Variants in SH2D4B observed in about 807,000 individuals in gnomAD.
The protein encoded by SH2D4B is SH2 domain-containing protein 4B.
SH2D4B carries 45 observed loss-of-function variants against 61.5 expected under a neutral mutation model. The ratio of observed to expected loss-of-function variants is 0.73; its 90% confidence interval spans 0.58 to 0.94. The LOEUF is 0.94. Among genes scored for constraint, SH2D4B ranks in the 40% least tolerant of loss-of-function variants. The pLI is 0.00. For missense variants in SH2D4B, 572 were observed against 574.2 expected (o/e 1.00, Z 0.04); for synonymous variants, 224 against 220.4 (o/e 1.02, Z -0.14).
intron 4 of SH2D4B, among the ~76,000 whole-genome samples, chr10:80,592,434 A>G (rs180741389): frequency 6.6e-6 from 1 of 152,316 alleles, no homozygotes; most frequent in East Asian, 1.9e-4. Context: ...GTCTTACCTA[A>G]GAAACCATTG....
intron 6 of SH2D4B, among the ~76,000 whole-genome samples, chr10:80,633,923 A>G (rs1842862922): frequency 6.6e-6 from 1 of 152,228 alleles, no homozygotes; most frequent in South Asian, 2.1e-4. Context: ...GGCTTTTCAC[A>G]AGCCTGTTGA....
At chr10:80,556,411 T>C (rs756798658) in intron 1 of SH2D4B, among the ~76,000 whole-genome samples, 1 of 152,224 alleles carries the variant, frequency 6.6e-6, no homozygotes, top group Non-Finnish European at 1.5e-5. Flanking sequence ...CTTTTCAACA[T>C]TGTTTTGACT....
chr10:80,555,640 G>C (rs1841824224), intron 1 of SH2D4B, among the ~76,000 whole-genome samples: 1 of 152,190 alleles, frequency 6.6e-6, no homozygotes, highest in Non-Finnish European at 1.5e-5. Flanking sequence ...CTTTTCCGTT[G>C]AATGTCGTGG....
chr10:80,630,847 G>T (rs1284099767), intron 6 of SH2D4B, among the ~76,000 whole-genome samples: 9 of 152,244 alleles, frequency 5.9e-5, no homozygotes, highest in African/African-American at 2.2e-4. Context: ...CAAACAGTGC[G>T]ATGAGCCCAG....
chr10:80,634,350 C>G lies in SH2D4B; in HGVS notation c.1054C>G (p.Arg352Gly), dbSNP rs764622468. The G allele has an allele frequency of 1.3e-6, 2 of 1,550,182 alleles. No homozygotes were observed. The highest frequency in any genetic ancestry group is 2.4e-5 in the South Asian group (2 of 84,040). ...CATGACTGAGGGAGCATTCCTGGTC[C>G]GGGTCAGTGAGAAAATCTGGGGTTA... is the stretch of plus-strand genomic sequence containing the variant. The part of the protein sequence containing the change: ...ENMTEGAFLV[R>G]VSEKIWGYTL... Residue 352 changes from arginine (R) to glycine (G), a missense_variant, in exon 7 of 8, where the codon CGG (arginine) becomes GGG (glycine). Physicochemically the swap from Arg to Gly is moderately radical, Grantham distance 125 (BLOSUM62 -2). Coordinates refer to ENST00000646907, the MANE Select transcript of SH2D4B (RefSeq NM_001388272.1).
intron 6 of SH2D4B, 106 bp downstream of exon 6, chr10:80,609,657 A>G: frequency 6.5e-7 from 1 of 1,533,114 alleles, no homozygotes; most frequent in African/African-American, 1.4e-5. Context: ...GGGGCAGAGG[A>G]CTTTAAGCAA....
chr10:80,544,969 A>G (rs1438551395), intron 1 of SH2D4B, among the ~76,000 whole-genome samples: 1 of 152,182 alleles, frequency 6.6e-6, no homozygotes, highest in Non-Finnish European at 1.5e-5. Context: ...GGTTGAATGC[A>G]GAGTTCTTCA....
At chr10:80,571,776 C>CTTTT (rs11394733) in intron 3 of SH2D4B, among the ~76,000 whole-genome samples, 198 bp downstream of exon 3, 4 of 135,634 alleles carry the variant, frequency 2.9e-5, no homozygotes, top group African/African-American at 5.4e-5. Flanking sequence ...TTTTTTTTTT[C>CTTTT]TTTTTTTTTT....
chr10:80,640,750 G>A (rs116264537), intron 7 of SH2D4B, among the ~76,000 whole-genome samples: 9 of 151,944 alleles, frequency 5.9e-5, no homozygotes, highest in South Asian at 4.2e-4. Context: ...CCTTTAGCTC[G>A]GGGAAATTTA....
intron 3 of SH2D4B, among the ~76,000 whole-genome samples, chr10:80,579,607 C>T (rs1842166855): frequency 6.6e-6 from 1 of 152,012 alleles, no homozygotes; most frequent in East Asian, 1.9e-4. Context: ...ACTCCCACCT[C>T]TTCCTGGTTT....
In SH2D4B at chr10:80,609,529, G is replaced by C. The variant is rs1341447110; in HGVS notation, c.966G>C (p.Lys322Asn). 2 of 1,614,248 alleles carry C rather than the reference G, an allele frequency of 1.2e-6. No individual in the cohort carries two copies. Among genetic ancestry groups the C allele is most frequent in the East Asian group, 2.2e-5 (1 of 44,884 alleles). The change falls in exon 6 of 8, where the codon AAG (lysine) becomes AAC (asparagine). Residue 322 changes from lysine (K) to asparagine (N), a missense_variant. Transcript: ENST00000646907. ...GAGCTGGCTTCGAGAGGAACACCAA[G>C]TTCATCGCCCCCTGGTTCCATGGTA... ...PRRAGFERNT[K>N]FIAPWFHGII... is the part of the protein sequence containing the mutation.
chr10:80,566,139 T>C (rs1841965912), intron 1 of SH2D4B, among the ~76,000 whole-genome samples: 1 of 148,324 alleles, frequency 6.7e-6, no homozygotes, highest in South Asian at 2.1e-4. Context: ...GGAAGGGGTT[T>C]CTCCTAAGAA....
intron 6 of SH2D4B, among the ~76,000 whole-genome samples, chr10:80,619,800 C>G (rs1316719415): frequency 1.3e-5 from 2 of 152,226 alleles, no homozygotes; most frequent in African/African-American, 4.8e-5. Context: ...GGCTTTAGCA[C>G]CAGCTTTCAA....
intron 3 of SH2D4B, among the ~76,000 whole-genome samples, chr10:80,580,471 T>A (rs75247933): frequency 3.9e-5 from 6 of 152,006 alleles, no homozygotes; most frequent in Admixed American, 6.5e-5. Flanking sequence ...GTCAAAACCA[T>A]GAAAAGGGAG....
intron 1 of SH2D4B, among the ~76,000 whole-genome samples, chr10:80,562,117 C>T (rs1012998783): frequency 6.6e-6 from 1 of 152,020 alleles, no homozygotes; most frequent in African/African-American, 2.4e-5. Flanking sequence ...AGCCCCCATC[C>T]CCTAGTAACA....
At chr10:80,579,786 A>G (rs1429416327) in intron 3 of SH2D4B, among the ~76,000 whole-genome samples, 1 of 152,058 alleles carries the variant, frequency 6.6e-6, no homozygotes, top group Non-Finnish European at 1.5e-5. Context: ...TTTATTTCCA[A>G]TAAGATTAGA....
At chr10:80,637,723 A>C (rs149322444) in intron 7 of SH2D4B, among the ~76,000 whole-genome samples, 1 of 151,570 alleles carries the variant, frequency 6.6e-6, no homozygotes, top group African/African-American at 2.4e-5. Flanking sequence ...CAGTCATGTC[A>C]TCTGCAAACA....
In SH2D4B at chr10:80,552,889, TTCTC is replaced by T. The variant is rs5786463; in HGVS notation, c.184+14390_184+14393del. On this transcript the variant is annotated intron_variant, in intron 1 of 7. Transcript: ENST00000646907. ...TCTTTCTCCCCCTCTCTCTCTTTCT[TTCTC>T]TCTCTCTCTCTCTCTTGCTCTCTCT... Among the ~76,000 whole-genome samples, 5 of 146,846 alleles carry T rather than the reference TTCTC, an allele frequency of 3.4e-5. No homozygotes were observed. In the South Asian group the frequency reaches 6.3e-4, roughly 19 times the overall value.
intron 3 of SH2D4B, among the ~76,000 whole-genome samples, chr10:80,580,420 C>T (rs184683394): frequency 2.2e-4 from 34 of 152,196 alleles, no homozygotes; most frequent in Admixed American, 1.6e-3. Flanking sequence ...ACTCTGTGGT[C>T]GGTGGTCTCT....
Sources: gnomAD v4.1 joint callset for allele counts (sites outside exome capture counted in the v4.1 genomes callset) on GRCh38, gnomAD v4.1.1 for gene constraint, MANE v1.5 for transcripts, NCBI Gene and HGNC (gene_info 2026-07-23, HGNC 2026-07-21) for gene names.